The following DPY19L2 variants were observed in gnomAD, a reference collection of about 807,000 sequenced individuals.
DPY19L2 encodes the protein dpy-19 like 2, also known as probable C-mannosyltransferase DPY19L2.
DPY19L2 carries 34 observed loss-of-function variants against 97.9 expected under a neutral mutation model. The ratio of observed to expected loss-of-function variants is 0.35; its 90% CI spans 0.26 to 0.46. DPY19L2 has a LOEUF of 0.46. Ranked by LOEUF, DPY19L2 falls within the 20% of genes least tolerant of loss-of-function variation. The pLI, the probability that DPY19L2 is intolerant of heterozygous loss-of-function variation, is 1.00. For missense variants in DPY19L2, 623 were observed against 911.4 expected (o/e 0.68, Z 4.07); for synonymous variants, 230 against 307.9 (o/e 0.75, Z 2.65).
chr12:63,612,289 A>C (rs1887137204), intron 11 of DPY19L2, among the ~76,000 whole-genome samples: 1 of 152,062 alleles, frequency 6.6e-6, no homozygotes, highest in Admixed American at 6.6e-5. Context: ...ACAGTAGGTC[A>C]ATCTGGCTGT....
chr12:63,667,880 A>C (rs563117322), intron 1 of DPY19L2, among the ~76,000 whole-genome samples, 177 bp downstream of exon 1: 4 of 151,416 alleles, frequency 2.6e-5, no homozygotes, highest in Admixed American at 2.0e-4. Context: ...TATACTCCCT[A>C]TCTCTCTCTC....
intron 4 of DPY19L2, 112 bp downstream of exon 4, chr12:63,661,232 A>T: frequency 1.8e-6 from 2 of 1,130,006 alleles, no homozygotes; most frequent in Non-Finnish European, 2.4e-6. Context: ...GGATACACAC[A>T]ATTAATAAAC....
chr12:63,659,998 A>G (rs1055225914), intron 4 of DPY19L2, among the ~76,000 whole-genome samples: 4 of 152,196 alleles, frequency 2.6e-5, no homozygotes, highest in Non-Finnish European at 5.9e-5. Flanking sequence ...ACAAAAAAGC[A>G]TATCACAGCC....
intron 21 of DPY19L2, among the ~76,000 whole-genome samples, chr12:63,565,031 G>A (rs551315503): frequency 1.2e-4 from 18 of 152,228 alleles, no homozygotes; most frequent in African/African-American, 4.1e-4. Context: ...TGTTATTACA[G>A]TCACACCAGC....
Position 63,612,791 on chromosome 12 carries a change from GAAAA to G in DPY19L2, c.1219-4120_1219-4117del, listed in dbSNP as rs572883084. ...GATATACCTCTAACCAGACTGATCA[GAAAA>G]AAAAATAGAACACAAACATCTAATA... On this transcript the variant is annotated intron_variant, in intron 11 of 21. Coordinates refer to ENST00000324472, the MANE Select transcript of DPY19L2 (RefSeq NM_173812.5). Among the ~76,000 whole-genome samples the G allele has an allele frequency of 1.0e-4, 15 of 149,394 alleles. 1 individual carries two copies. The East Asian group carries it at 2.7e-3, about 27-fold the overall frequency.
intron 21 of DPY19L2, among the ~76,000 whole-genome samples, chr12:63,561,590 C>G (rs1446525428): frequency 6.6e-6 from 1 of 151,634 alleles, no homozygotes; most frequent in Non-Finnish European, 1.5e-5. Context: ...GTTCCTACAA[C>G]TTCTGTTGTG....
At chr12:63,664,424 C>T (rs1241707297) in intron 2 of DPY19L2, among the ~76,000 whole-genome samples, 1 of 152,012 alleles carries the variant, frequency 6.6e-6, no homozygotes, top group Admixed American at 6.5e-5. Context: ...TCCCAGGCCT[C>T]CAAATCAGAA....
At chr12:63,603,714 T>C (rs1175005204) in intron 12 of DPY19L2, among the ~76,000 whole-genome samples, 1 of 152,218 alleles carries the variant, frequency 6.6e-6, no homozygotes, top group African/African-American at 2.4e-5. Context: ...TTTCTTTTTA[T>C]GACTGCATAA....
chr12:63,668,098 A>G lies in DPY19L2; in HGVS notation c.296T>C (p.Leu99Pro), dbSNP rs184219113. ...LAQLREKVQE[L>P]QARRFSSRTT... The stretch of plus-strand genomic sequence containing the variant: ...TCTGCTGGAGAACCGCCGCGCCTGC[A>G]GTTCCTGCACCTTTTCCCGGAGCTG... Residue 99 changes from leucine (L) to proline (P), a missense_variant, in exon 1 of 22, where the codon CTG becomes CCG. Leu to Pro is a moderately conservative substitution (Grantham distance 98). Coordinates refer to ENST00000324472, the MANE Select transcript of DPY19L2 (RefSeq NM_173812.5). 6.2e-7 allele frequency: 1 copy of G among 1,613,846 alleles called. No homozygotes were observed. The highest frequency in any genetic ancestry group is 2.2e-5 in the East Asian group (1 of 44,866).
rs1406332134 is a variant in DPY19L2 at position 63,575,219 on chromosome 12, G to C, written c.1901-4362C>G. Reference sequence around the variant, plus strand: ...TTAAAGAATATGCTCCTGAATGACTGGTAGGTTAATAAAGAAATCAAGAAG... The same window carrying C: ...TTAAAGAATATGCTCCTGAATGACTCGTAGGTTAATAAAGAAATCAAGAAG... On this transcript the variant is annotated intron_variant, in intron 19 of 21. Transcript: ENST00000324472. Among the ~76,000 whole-genome samples the C allele has an allele frequency of 2.0e-5, 3 of 151,872 alleles. No homozygotes were observed. In the East Asian group the frequency reaches 5.8e-4, roughly 29 times the overall value.
At chr12:63,572,136 G>A (rs1878982743) in intron 19 of DPY19L2, among the ~76,000 whole-genome samples, 1 of 152,178 alleles carries the variant, frequency 6.6e-6, no homozygotes, top group Non-Finnish European at 1.5e-5. Context: ...CCGATTCCAG[G>A]CCTTGGCTCT....
intron 4 of DPY19L2, among the ~76,000 whole-genome samples, 160 bp from the exon 5 acceptor site, chr12:63,647,525 G>A (rs1230270529): frequency 6.6e-6 from 1 of 151,976 alleles, no homozygotes; most frequent in African/African-American, 2.4e-5. Flanking sequence ...ATCATTCTTG[G>A]CAAACTATCG....
intron 19 of DPY19L2, among the ~76,000 whole-genome samples, chr12:63,571,410 C>T (rs1330412709): frequency 2.0e-5 from 3 of 152,182 alleles, no homozygotes; most frequent in Non-Finnish European, 2.9e-5. Context: ...TTCACTCAAG[C>T]TTCCTGCTAT....
At chr12:63,633,152 T>C (rs1237963284) in intron 6 of DPY19L2, among the ~76,000 whole-genome samples, 1 of 152,140 alleles carries the variant, frequency 6.6e-6, no homozygotes, top group African/African-American at 2.4e-5. Context: ...GACATAGGCA[T>C]GGGCAAGGAC....
intron 6 of DPY19L2, among the ~76,000 whole-genome samples, chr12:63,631,667 C>T (rs1271720845): frequency 6.6e-6 from 1 of 152,098 alleles, no homozygotes; most frequent in African/African-American, 2.4e-5. Flanking sequence ...CCTTCTGAAA[C>T]TATTCCAATC....
chr12:63,566,034 T>C (rs1328295748), intron 21 of DPY19L2, among the ~76,000 whole-genome samples: 2 of 152,130 alleles, frequency 1.3e-5, no homozygotes, highest in Admixed American at 1.3e-4. Context: ...CATGATATCT[T>C]TTCCATTCTT....
chr12:63,635,720 G>C (rs1384171134), intron 6 of DPY19L2, among the ~76,000 whole-genome samples: 1 of 152,112 alleles, frequency 6.6e-6, no homozygotes, highest in Non-Finnish European at 1.5e-5. Flanking sequence ...AATGAAGCGA[G>C]AGGAGAAGTT....
intron 6 of DPY19L2, among the ~76,000 whole-genome samples, chr12:63,643,838 A>G (rs1207150266): frequency 2.0e-5 from 3 of 152,198 alleles, no homozygotes; most frequent in Non-Finnish European, 4.4e-5. Context: ...AACTGACTCA[A>G]CTTAGTTTTC....
rs189170097 is a variant in DPY19L2 at position 63,579,977 on chromosome 12, A to G, written c.1900+685T>C. ...AAATATTAAAAATAATCTTTGATTT[A>G]CAAATTTAGTTACAGAAAATGTTAT... On this transcript the variant is annotated intron_variant, in intron 19 of 21. Transcript: ENST00000324472. 2.0e-3 allele frequency among the ~76,000 whole-genome samples: 299 copies of G among 152,286 alleles called. 6 individuals are homozygous for G. Among genetic ancestry groups the G allele is most frequent in the South Asian group, 6.2e-4 (3 of 4,824 alleles).
Sources: allele counts gnomAD v4.1 joint callset (sites outside exome capture counted in the v4.1 genomes callset), GRCh38; gene constraint gnomAD v4.1.1; transcripts MANE v1.5; gene names NCBI Gene and HGNC (gene_info 2026-07-23, HGNC 2026-07-21).